The following IMMP2L variants were observed in gnomAD, a reference collection of about 807,000 sequenced individuals.
IMMP2L encodes the protein mitochondrial inner membrane protease subunit 2.
In IMMP2L, 18 loss-of-function variants were observed where a neutral mutation model predicts 19.3. The ratio of observed to expected loss-of-function variants is 0.93; its 90% CI spans 0.64 to 1.38. The LOEUF (loss-of-function observed/expected upper bound fraction) is 1.38, where lower values mean the gene tolerates loss of function less well. IMMP2L is among the 40% of genes most tolerant of loss of function. The pLI is 0.00. For synonymous variants in IMMP2L, 76 were observed against 73.0 expected (o/e 1.04, Z -0.21); for missense variants, 233 against 218.2 (o/e 1.07, Z -0.43).
Position 110,674,117 on chromosome 7 carries a change from A to T in IMMP2L, c.409-10396T>A, listed in dbSNP as rs139317501. 4.9e-3 allele frequency among the ~76,000 whole-genome samples: 747 copies of T among 152,316 alleles called. 3 individuals are homozygous for T. The highest frequency in any genetic ancestry group is 0.017 in the African/African-American group (717 of 41,562). ...GACTCACAGTTCAGCATGGCTGGAG[A>T]GGCCTCAGGAAACTTACAATCATGG... On this transcript the variant is annotated intron_variant, in intron 5 of 5. Transcript: ENST00000405709.
chr7:110,961,714 T>C (rs886915285), intron 4 of IMMP2L, among the ~76,000 whole-genome samples: 4 of 151,814 alleles, frequency 2.6e-5, no homozygotes, highest in African/African-American at 4.8e-5. Context: ...GTCTATAAAA[T>C]AGATTATACT....
intron 5 of IMMP2L, among the ~76,000 whole-genome samples, chr7:110,739,285 A>G (rs963215239): frequency 2.0e-5 from 3 of 152,172 alleles, no homozygotes; most frequent in African/African-American, 7.2e-5. Context: ...ATGTATAAGA[A>G]TTCACCAACC....
chr7:111,436,812 T>C lies in IMMP2L; in HGVS notation c.239+50426A>G, dbSNP rs193124518. Among the ~76,000 whole-genome samples the C allele has an allele frequency of 2.8e-3, 424 of 151,886 alleles. 15 individuals are homozygous for C. The highest frequency in any genetic ancestry group is 9.9e-3 in the African/African-American group (407 of 41,234). ...TTCTACAGGCTGTACAGGAAGCAGA[T>C]TGCTAGCATCTGCTCCTGGTGAGGG... On this transcript the variant is annotated intron_variant, in intron 3 of 5. Coordinates refer to ENST00000405709, the MANE Select transcript of IMMP2L (RefSeq NM_032549.4).
intron 3 of IMMP2L, among the ~76,000 whole-genome samples, chr7:111,465,767 T>C (rs375320620): frequency 1.3e-5 from 2 of 152,130 alleles, no homozygotes; most frequent in Non-Finnish European, 2.9e-5. Flanking sequence ...GTCAGTGTGG[T>C]GATTTCTCAG....
Position 110,950,841 on chromosome 7 carries a change from CATATATATAT to C in IMMP2L, c.305+12649_305+12658del, listed in dbSNP as rs34797718. On this transcript the variant is annotated intron_variant, in intron 4 of 5. Coordinates refer to ENST00000405709, the MANE Select transcript of IMMP2L (RefSeq NM_032549.4). Reference sequence around the variant, plus strand: ...AGATGAATGGATACACAAAATGTGGCATATATATATATATATATATATATATATATGTATA... The same window carrying C: ...AGATGAATGGATACACAAAATGTGGCATATATATATATATATATATGTATA... 1.3e-4 allele frequency among the ~76,000 whole-genome samples: 13 copies of C among 100,612 alleles called. 1 individual carries two copies. Among genetic ancestry groups the C allele is most frequent in the South Asian group, 6.7e-4 (2 of 2,972 alleles). 66.0% of individuals were successfully genotyped at this position (100,612 alleles called of 152,430 possible).
intron 2 of IMMP2L, among the ~76,000 whole-genome samples, chr7:111,504,310 T>C (rs559537532): frequency 3.3e-5 from 5 of 151,936 alleles, no homozygotes; most frequent in Non-Finnish European, 7.4e-5. Flanking sequence ...CACTGCTCAA[T>C]GAAATAAAAG....
chr7:111,143,353 AAC>A (rs1803140800), intron 3 of IMMP2L, among the ~76,000 whole-genome samples: 1 of 152,156 alleles, frequency 6.6e-6, no homozygotes, highest in Non-Finnish European at 1.5e-5. Flanking sequence ...AAGCGAGGTA[AAC>A]ACTCATGACA....
At chr7:110,940,122 G>C (rs1416214175) in intron 4 of IMMP2L, among the ~76,000 whole-genome samples, 1 of 151,982 alleles carries the variant, frequency 6.6e-6, no homozygotes, top group East Asian at 1.9e-4. Flanking sequence ...TTTCAGACCA[G>C]CCTGGCCAAC....
intron 3 of IMMP2L, among the ~76,000 whole-genome samples, chr7:111,142,359 AGAAAGAAAGAAT>A (rs1363031934): frequency 6.7e-6 from 1 of 148,954 alleles, no homozygotes; most frequent in East Asian, 1.9e-4. Context: ...AAAGAAAGAA[AGAAAGAAAGAAT>A]AGAAAAGAGC....
chr7:111,441,720 TA>T (rs11312650), intron 3 of IMMP2L, among the ~76,000 whole-genome samples: 72,976 of 138,156 alleles, frequency 0.53, 18,822 homozygotes, highest in African/African-American at 0.62. Flanking sequence ...TTCAACTTGT[TA>T]AAAAAAAAAA....
At chr7:111,222,598 T>A (rs1327345011) in intron 3 of IMMP2L, among the ~76,000 whole-genome samples, 1 of 151,880 alleles carries the variant, frequency 6.6e-6, no homozygotes, top group Non-Finnish European at 1.5e-5. Context: ...ATCAGGGAGA[T>A]GTGCAATAAA....
At chr7:110,740,016 G>A (rs899281144) in intron 5 of IMMP2L, among the ~76,000 whole-genome samples, 10 of 152,032 alleles carry the variant, frequency 6.6e-5, no homozygotes, top group African/African-American at 1.9e-4. Flanking sequence ...TGAACTGAAC[G>A]ATAATAGTGA....
chr7:111,406,236 GA>G lies in IMMP2L; in HGVS notation c.239+81001del, dbSNP rs566657140. On this transcript the variant is annotated intron_variant, in intron 3 of 5. Transcript: ENST00000405709. Reference sequence around the variant, plus strand: ...CCAATTGCTTAGGCCAAAAACTTCAGAATCCTCCTTGATTCCTCTATTTCTC... The same window carrying G: ...CCAATTGCTTAGGCCAAAAACTTCAGATCCTCCTTGATTCCTCTATTTCTC... Among the ~76,000 whole-genome samples, 523 of 152,058 alleles carry G rather than the reference GA, an allele frequency of 3.4e-3. 3 individuals carry two copies. The highest frequency in any genetic ancestry group is 0.017 in the Middle Eastern group (5 of 292).
chr7:110,881,096 A>G (rs1318541079), intron 5 of IMMP2L, among the ~76,000 whole-genome samples: 1 of 152,164 alleles, frequency 6.6e-6, no homozygotes, highest in Non-Finnish European at 1.5e-5. Context: ...AATTACAGCA[A>G]CAAATCCAAC....
chr7:111,421,799 C>T (rs979543599), intron 3 of IMMP2L, among the ~76,000 whole-genome samples: 1 of 151,706 alleles, frequency 6.6e-6, no homozygotes, highest in Non-Finnish European at 1.5e-5. Flanking sequence ...CTTGTCCATG[C>T]CTATGTCCTG....
chr7:111,141,311 A>C (rs1163958830), intron 3 of IMMP2L, among the ~76,000 whole-genome samples: 2 of 152,108 alleles, frequency 1.3e-5, no homozygotes, highest in Non-Finnish European at 2.9e-5. Flanking sequence ...AAACCCCTCC[A>C]CATTTCCCCT....
chr7:111,517,099 C>A (rs2132630902), intron 2 of IMMP2L, among the ~76,000 whole-genome samples: 1 of 150,940 alleles, frequency 6.6e-6, no homozygotes, highest in East Asian at 2.0e-4. Context: ...ATTAAGCTGA[C>A]TGTAGGTTAA....
At chr7:111,469,212 G>T (rs2132084047) in intron 3 of IMMP2L, among the ~76,000 whole-genome samples, 1 of 152,184 alleles carries the variant, frequency 6.6e-6, no homozygotes, top group South Asian at 2.1e-4. Flanking sequence ...TTGTTCTTTT[G>T]ATTTAGGATT....
intron 3 of IMMP2L, among the ~76,000 whole-genome samples, chr7:111,161,605 T>C (rs1414900308): frequency 1.3e-5 from 2 of 151,978 alleles, no homozygotes; most frequent in Non-Finnish European, 1.5e-5. Context: ...TGATGAATGT[T>C]TTAGGTATCC....
Sources: gnomAD v4.1 joint callset for allele counts (sites outside exome capture counted in the v4.1 genomes callset) on GRCh38, gnomAD v4.1.1 for gene constraint, MANE v1.5 for transcripts, NCBI Gene and HGNC (gene_info 2026-07-23, HGNC 2026-07-21) for gene names.